SOX13: variants seen among roughly 807,000 people sequenced by gnomAD.
The protein encoded by SOX13 is SRY-box transcription factor 13.
A neutral mutation model predicts 71.8 loss-of-function variants in SOX13; 28 were observed. The ratio of observed to expected loss-of-function variants is 0.39; its 90% CI spans 0.29 to 0.53. The LOEUF (loss-of-function observed/expected upper bound fraction) is 0.53. SOX13 is among the 20% of genes least tolerant of loss of function. The probability of loss-of-function intolerance (pLI) is 0.70; values close to 1 mark genes in which losing one functional copy is unlikely to be tolerated. For missense variants in SOX13, 627 were observed against 810.3 expected (o/e 0.77, Z 2.75); for synonymous variants, 309 against 317.8 (o/e 0.97, Z 0.29).
chr1:204,113,333 C>T (rs747446356), intron 2 of SOX13, among the ~76,000 whole-genome samples, 199 bp downstream of exon 2: 1 of 152,238 alleles, frequency 6.6e-6, no homozygotes, highest in Non-Finnish European at 1.5e-5. Flanking sequence ...CCTATCAGAG[C>T]AGGACCTAGA....
chr1:204,115,679 T>TG (rs1656678122), intron 4 of SOX13, among the ~76,000 whole-genome samples: 1 of 140,928 alleles, frequency 7.1e-6, no homozygotes. Flanking sequence ...TTTTTTTTTT[T>TG]TTTGGAGAGA....
At chr1:204,093,485 C>T (rs1401650245) in intron 1 of SOX13, among the ~76,000 whole-genome samples, 1 of 152,194 alleles carries the variant, frequency 6.6e-6, no homozygotes, top group Non-Finnish European at 1.5e-5. Context: ...AGGATGATGC[C>T]TGTGGGGCCT....
chr1:204,115,076 A>G (rs902748588), intron 4 of SOX13, among the ~76,000 whole-genome samples: 1 of 151,758 alleles, frequency 6.6e-6, no homozygotes, highest in Non-Finnish European at 1.5e-5. Context: ...CAGTGGCACA[A>G]TCTTGGCTCA....
chr1:204,107,714 A>G (rs928431211), intron 1 of SOX13, among the ~76,000 whole-genome samples: 5 of 152,176 alleles, frequency 3.3e-5, no homozygotes, highest in African/African-American at 1.2e-4. Flanking sequence ...GGTGAGACCC[A>G]GAGTTGCTCT....
At chr1:204,097,594 G>A (rs940646959) in intron 1 of SOX13, among the ~76,000 whole-genome samples, 1 of 151,724 alleles carries the variant, frequency 6.6e-6, no homozygotes, top group Non-Finnish European at 1.5e-5. Context: ...GGGAGGCTGA[G>A]GCAGGAGAAT....
At chr1:204,077,567 G>A (rs1162871612) in intron 1 of SOX13, among the ~76,000 whole-genome samples, 1 of 152,098 alleles carries the variant, frequency 6.6e-6, no homozygotes, top group Admixed American at 6.6e-5. Flanking sequence ...AATTACATAA[G>A]AAGTGAAAAA....
In SOX13 at chr1:204,125,881, T is replaced by C; in HGVS notation, c.1616T>C (p.Met539Thr). Reference sequence around the variant, plus strand: ...AGCCCGCAGGCTGGCCAGGTGCAGATGAGCTCCTCAGATGTCCTGTACCCT... The same window carrying C: ...AGCCCGCAGGCTGGCCAGGTGCAGACGAGCTCCTCAGATGTCCTGTACCCT... ...VIPPQAGQVQ[M>T]SSSDVLYPRA... Residue 539 changes from methionine to threonine, a missense_variant, in exon 14 of 14, where the codon ATG becomes ACG. Physicochemically the swap from Met to Thr is moderately conservative, Grantham distance 81. Around this residue, in one of 3 missense-constraint regions of SOX13, gnomAD observed 148 missense variants for 192.7 expected, o/e 0.77. Coordinates refer to ENST00000367204, the MANE Select transcript of SOX13 (RefSeq NM_005686.3). 8 of 1,612,356 alleles carry C rather than the reference T, an allele frequency of 5.0e-6. No individual in the cohort carries two copies. The highest frequency in any genetic ancestry group is 6.8e-6 in the Non-Finnish European group (8 of 1,179,624).
At chr1:204,109,047 CCGGTGCCCGGAT>C (rs1656525440) in intron 1 of SOX13, among the ~76,000 whole-genome samples, 1 of 152,250 alleles carries the variant, frequency 6.6e-6, no homozygotes, top group Non-Finnish European at 1.5e-5. Context: ...TGAGCCCCTC[CCGGTGCCCGGAT>C]GGGCTGAGCC....
chr1:204,116,749 C>A, intron 5 of SOX13, 70 bp downstream of exon 5: 2 of 1,585,222 alleles, frequency 1.3e-6, no homozygotes, highest in South Asian at 2.4e-5. Flanking sequence ...GAGAAGGCTG[C>A]CTTAGGGACA....
intron 1 of SOX13, among the ~76,000 whole-genome samples, chr1:204,084,742 G>C (rs1188961641): frequency 6.6e-6 from 1 of 152,100 alleles, no homozygotes; most frequent in African/African-American, 2.4e-5. Flanking sequence ...TCAGTGACCA[G>C]GTCAGCCAGG....
At chr1:204,105,658 A>C (rs1329744730) in intron 1 of SOX13, among the ~76,000 whole-genome samples, 1 of 152,128 alleles carries the variant, frequency 6.6e-6, no homozygotes, top group Admixed American at 6.5e-5. Context: ...AACCCGCCTC[A>C]GCCTCCCAAA....
intron 7 of SOX13, 140 bp downstream of exon 7, chr1:204,117,847 C>T: frequency 3.2e-6 from 2 of 616,718 alleles, no homozygotes; most frequent in Non-Finnish European, 5.9e-6. Flanking sequence ...GTAGAAGAAT[C>T]ATCCTCTTTT....
chr1:204,109,670 A>C (rs1361995848), intron 1 of SOX13, among the ~76,000 whole-genome samples: 2 of 152,290 alleles, frequency 1.3e-5, no homozygotes, highest in African/African-American at 4.8e-5. Context: ...GACTGTATAT[A>C]GTCATCCCGC....
chr1:204,125,710 T>G, intron 13 of SOX13, 148 bp from the exon 14 acceptor site: 1 of 864,462 alleles, frequency 1.2e-6, no homozygotes, highest in East Asian at 2.7e-5. Flanking sequence ...AATTTGGCCA[T>G]CAGAAAGCAG....
intron 1 of SOX13, among the ~76,000 whole-genome samples, chr1:204,075,301 C>T (rs1419375937): frequency 1.3e-5 from 2 of 152,124 alleles, no homozygotes; most frequent in Non-Finnish European, 2.9e-5. Context: ...GGCGCCAGCC[C>T]GCTACCTCCC....
chr1:204,083,530 G>A (rs1655952818), intron 1 of SOX13, among the ~76,000 whole-genome samples: 1 of 152,178 alleles, frequency 6.6e-6, no homozygotes, highest in African/African-American at 2.4e-5. Flanking sequence ...GATCTCTAAG[G>A]AGATAGCTTG....
chr1:204,116,136 G>A, intron 4 of SOX13: 1 of 1,217,212 alleles, frequency 8.2e-7, no homozygotes, highest in Non-Finnish European at 1.0e-6. Flanking sequence ...TTGCTTCAAA[G>A]CCTGAGTGTG....
At chr1:204,074,894 G>C (rs1013652966) in intron 1 of SOX13, among the ~76,000 whole-genome samples, 2 of 152,246 alleles carry the variant, frequency 1.3e-5, no homozygotes, top group Admixed American at 6.5e-5. Context: ...GTTTTCCTGG[G>C]AAGTTTGCTT....
intron 4 of SOX13, among the ~76,000 whole-genome samples, chr1:204,115,470 ATGT>A (rs1656668694): frequency 2.0e-5 from 2 of 102,004 alleles, no homozygotes; most frequent in Admixed American, 1.4e-4. Flanking sequence ...AGTGATTCCG[ATGT>A]TGTTTTTTTT....
Sources: gnomAD v4.1 joint callset for allele counts (sites outside exome capture counted in the v4.1 genomes callset) on GRCh38, gnomAD v4.1.1 for gene constraint, gnomAD v4.1.1 regional missense constraint, MANE v1.5 for transcripts, NCBI Gene and HGNC (gene_info 2026-07-23, HGNC 2026-07-21) for gene names.